Variants in RBFOX1 observed in about 807,000 individuals in gnomAD.
RBFOX1 encodes the protein RNA binding fox-1 homolog 1.
In RBFOX1, 8 loss-of-function variants were observed where a neutral mutation model predicts 57.7. The ratio of observed to expected loss-of-function variants is 0.14; its 90% CI spans 0.08 to 0.25. The LOEUF (loss-of-function observed/expected upper bound fraction) is 0.25, where lower values mean the gene tolerates loss of function less well. Ranked by LOEUF, RBFOX1 falls within the 10% of genes least tolerant of loss-of-function variation. RBFOX1 has a pLI of 1.00. For missense variants in RBFOX1, 611 were observed against 548.5 expected, an observed-to-expected ratio of 1.11 and a Z score of -1.14; for synonymous variants, 326 against 222.4, an observed-to-expected ratio of 1.47 and a Z score of -4.15.
chr16:7,040,794 A>C (rs1301027175), intron 3 of RBFOX1, among the ~76,000 whole-genome samples: 1 of 152,348 alleles, frequency 6.6e-6, no homozygotes, highest in East Asian at 1.9e-4. Flanking sequence ...TTCATTTTCT[A>C]ATGGATTCAT....
At chr16:7,460,370 A>ATATATATATATATATATAT (rs1555477558) in intron 4 of RBFOX1, among the ~76,000 whole-genome samples, 1 of 76,034 alleles carries the variant, frequency 1.3e-5, no homozygotes, top group Non-Finnish European at 2.3e-5. Context: ...CATTTAGCAA[A>ATATATATATATATATATAT]ATATATATAT....
chr16:5,859,733 C>T (rs2057162776), intron 3 of RBFOX1, among the ~76,000 whole-genome samples: 1 of 152,206 alleles, frequency 6.6e-6, no homozygotes, highest in Non-Finnish European at 1.5e-5. Context: ...ATGCTATTTC[C>T]ATTTTACAGG....
intron 5 of RBFOX1, among the ~76,000 whole-genome samples, chr16:7,523,830 C>A (rs1043353688): frequency 2.0e-5 from 3 of 152,194 alleles, no homozygotes; most frequent in Admixed American, 6.5e-5. Flanking sequence ...CTTTCCTGAT[C>A]TACACCAGCA....
At chr16:7,665,255 C>G (rs1241969799) in intron 13 of RBFOX1, among the ~76,000 whole-genome samples, 1 of 152,176 alleles carries the variant, frequency 6.6e-6, no homozygotes, top group African/African-American at 2.4e-5. Flanking sequence ...GACCCCACTT[C>G]ACCCACAAAG....
chr16:6,211,188 C>CT lies in RBFOX1; in HGVS notation c.-126-105792dup, dbSNP rs71142694. On this transcript the variant is annotated intron_variant, in intron 1 of 15. Transcript: ENST00000550418. ...CCATGAGACAGAGTGTTTTCTTCTT[C>CT]TTTTTTTTTTTTTTTGGTTAGTGCC... Among the ~76,000 whole-genome samples the CT allele has an allele frequency of 4.2e-3, 379 of 91,266 alleles. 11 individuals are homozygous for CT. Among genetic ancestry groups the CT allele is most frequent in the African/African-American group, 1.0e-2 (208 of 20,824 alleles). The allele number at this position is 91,266 out of a possible 152,430, so 59.9% of individuals were successfully genotyped here.
intron 4 of RBFOX1, among the ~76,000 whole-genome samples, chr16:7,499,522 C>T (rs1255662671): frequency 6.6e-6 from 1 of 151,932 alleles, no homozygotes; most frequent in East Asian, 1.9e-4. Context: ...AAATTCAAGT[C>T]AGATATATGA....
intron 4 of RBFOX1, among the ~76,000 whole-genome samples, chr16:7,517,468 G>T (rs901634938): frequency 2.0e-5 from 3 of 151,932 alleles, no homozygotes; most frequent in Non-Finnish European, 4.4e-5. Context: ...AGAGAGGACA[G>T]TCTTTGTCCA....
intron 1 of RBFOX1, among the ~76,000 whole-genome samples, chr16:6,304,101 C>T (rs2079159587): frequency 6.6e-6 from 1 of 151,700 alleles, no homozygotes; most frequent in Admixed American, 6.6e-5. Context: ...TGAGCCACTG[C>T]GCCCAGCCCA....
intron 4 of RBFOX1, among the ~76,000 whole-genome samples, chr16:7,200,452 A>C (rs1187788689): frequency 6.6e-6 from 1 of 152,124 alleles, no homozygotes; most frequent in East Asian, 1.9e-4. Flanking sequence ...TTGCACCTCT[A>C]TTTATGGTGT....
At chr16:6,980,692 G>C (rs1032726448) in intron 3 of RBFOX1, among the ~76,000 whole-genome samples, 3 of 152,148 alleles carry the variant, frequency 2.0e-5, no homozygotes, top group African/African-American at 7.2e-5. Flanking sequence ...CTCTCCCGGA[G>C]ATAATTTGGA....
intron 3 of RBFOX1, among the ~76,000 whole-genome samples, chr16:5,792,113 G>A (rs554250532): frequency 4.6e-5 from 7 of 152,272 alleles, no homozygotes; most frequent in Non-Finnish European, 7.4e-5. Context: ...GCTAGTTATC[G>A]TGGATAAGTG....
At chr16:6,878,556 A>G (rs937648167) in intron 3 of RBFOX1, among the ~76,000 whole-genome samples, 8 of 152,308 alleles carry the variant, frequency 5.3e-5, no homozygotes, top group South Asian at 2.1e-4. Flanking sequence ...ATTTGTTGCC[A>G]CAGCATCACA....
chr16:5,240,099 C>A, exon 1 of RBFOX1: 5 of 1,525,586 alleles, frequency 3.3e-6, no homozygotes, highest in Non-Finnish European at 4.4e-6. Context: ...GTGGCGACGG[C>A]AGAGGAGTAA....
chr16:6,777,654 G>A (rs1195534625), intron 3 of RBFOX1, among the ~76,000 whole-genome samples: 1 of 152,038 alleles, frequency 6.6e-6, no homozygotes, highest in Non-Finnish European at 1.5e-5. Flanking sequence ...CAGTTTCTTA[G>A]CCTGACAGTT....
At chr16:7,282,265 T>C (rs2141206903) in intron 4 of RBFOX1, among the ~76,000 whole-genome samples, 1 of 152,284 alleles carries the variant, frequency 6.6e-6, no homozygotes, top group African/African-American at 2.4e-5. Flanking sequence ...GAGGAACAAG[T>C]AAATGGCATT....
intron 2 of RBFOX1, among the ~76,000 whole-genome samples, chr16:5,477,747 G>C (rs372938767): frequency 6.6e-6 from 1 of 152,102 alleles, no homozygotes; most frequent in Non-Finnish European, 1.5e-5. Flanking sequence ...TCTGTTATGG[G>C]TGCTTTATAG....
intron 2 of RBFOX1, among the ~76,000 whole-genome samples, chr16:6,587,721 T>C (rs1455967304): frequency 1.3e-5 from 2 of 152,182 alleles, no homozygotes; most frequent in East Asian, 3.9e-4. Context: ...GAAAGAACTC[T>C]CCTCAACCCT....
chr16:5,834,398 T>C (rs757602206), intron 3 of RBFOX1, among the ~76,000 whole-genome samples: 2 of 152,200 alleles, frequency 1.3e-5, no homozygotes, highest in African/African-American at 2.4e-5. Flanking sequence ...TAATGGCCTC[T>C]AGTTCCATCC....
intron 3 of RBFOX1, among the ~76,000 whole-genome samples, chr16:6,822,982 C>T (rs1390336288): frequency 2.6e-5 from 4 of 152,176 alleles, no homozygotes; most frequent in Non-Finnish European, 5.9e-5. Context: ...TCCCTAACAG[C>T]TTCTCAACGT....
Sources: allele counts gnomAD v4.1 joint callset (sites outside exome capture counted in the v4.1 genomes callset), GRCh38; gene constraint gnomAD v4.1.1; transcripts MANE v1.5; gene names NCBI Gene and HGNC (gene_info 2026-07-23, HGNC 2026-07-21).